Variants in ELAVL4 observed in about 807,000 individuals in gnomAD.
The protein encoded by ELAVL4 is ELAV-like protein 4.
A neutral mutation model predicts 35.6 loss-of-function variants in ELAVL4; 1 was observed. The observed-to-expected ratio is 0.03, with a 90% CI of 0.01 to 0.13. ELAVL4 has a LOEUF of 0.13. ELAVL4 is among the 10% of genes least tolerant of loss of function. The pLI is 1.00. For missense variants in ELAVL4, 267 were observed against 464.9 expected (o/e 0.57, Z 3.91); for synonymous variants, 156 against 171.0 (o/e 0.91, Z 0.69).
chr1:50,110,946 G>T (rs1291509113), intron 1 of ELAVL4, among the ~76,000 whole-genome samples: 1 of 151,836 alleles, frequency 6.6e-6, no homozygotes, highest in Non-Finnish European at 1.5e-5. Context: ...GCTATCATGA[G>T]AACACACTGC....
At chr1:50,056,656 G>A (rs753661747) in intron 1 of ELAVL4, among the ~76,000 whole-genome samples, 16 of 152,288 alleles carry the variant, frequency 1.1e-4, no homozygotes, top group Non-Finnish European at 1.5e-4. Flanking sequence ...ATGTACACCG[G>A]CCGGGTGAGG....
At chr1:50,098,909 T>G (rs532207617) in intron 1 of ELAVL4, among the ~76,000 whole-genome samples, 2 of 152,290 alleles carry the variant, frequency 1.3e-5, no homozygotes, top group African/African-American at 4.8e-5. Context: ...ATAATAAATG[T>G]AGAATGTCCC....
rs909277696 is a variant in ELAVL4 at position 50,203,645 on chromosome 1, G to A, written c.*2467G>A. On this transcript the variant is annotated 3_prime_UTR_variant, in exon 7 of 7. Coordinates refer to ENST00000371824, the MANE Select transcript of ELAVL4 (RefSeq NM_001144774.3). ...TTTAGTTATTAATGAATGACTTCAT[G>A]TTAATCTTGCTAGTTTAGATGATTT... is the stretch of plus-strand genomic sequence containing the variant. The A allele has an allele frequency of 6.6e-6, 1 of 152,020 alleles. No individual in the cohort carries two copies. The highest frequency in any genetic ancestry group is 1.5e-5 in the Non-Finnish European group (1 of 67,986). 9.4% of individuals were successfully genotyped at this position (152,020 alleles called of 1,614,324 possible).
At chr1:50,053,848 TA>T (rs1036162053) in intron 1 of ELAVL4, among the ~76,000 whole-genome samples, 1 of 152,098 alleles carries the variant, frequency 6.6e-6, no homozygotes, top group Middle Eastern at 3.2e-3. Context: ...TAGAGTAAGA[TA>T]AAGAGGGATA....
At chr1:50,187,819 G>A (rs1461734009) in intron 3 of ELAVL4, among the ~76,000 whole-genome samples, 2 of 152,162 alleles carry the variant, frequency 1.3e-5, no homozygotes, top group East Asian at 3.8e-4. Flanking sequence ...AATGAGGCTG[G>A]GCATGGTGGC....
intron 1 of ELAVL4, among the ~76,000 whole-genome samples, chr1:50,048,511 G>C (rs1306511946): frequency 6.6e-6 from 1 of 152,094 alleles, no homozygotes; most frequent in African/African-American, 2.4e-5. Context: ...AGCGACAGGC[G>C]ACCCCGCAGC....
intron 1 of ELAVL4, among the ~76,000 whole-genome samples, chr1:50,143,040 TA>T (rs1366867053): frequency 3.9e-5 from 6 of 152,036 alleles, no homozygotes; most frequent in Non-Finnish European, 7.4e-5. Flanking sequence ...GGTAAAAAAA[TA>T]GGTAAAACAA....
chr1:50,169,042 C>T (rs753316802), intron 2 of ELAVL4, among the ~76,000 whole-genome samples: 14 of 151,270 alleles, frequency 9.3e-5, no homozygotes, highest in Non-Finnish European at 1.5e-4. Context: ...ATCACAGGGT[C>T]CCACAACAGG....
intron 2 of ELAVL4, among the ~76,000 whole-genome samples, chr1:50,153,954 C>T (rs1396908317): frequency 6.6e-6 from 1 of 152,184 alleles, no homozygotes; most frequent in African/African-American, 2.4e-5. Context: ...ATGCTAGCAC[C>T]CTGATCTTGG....
chr1:50,098,457 A>G (rs1665809635), intron 1 of ELAVL4, among the ~76,000 whole-genome samples: 1 of 152,186 alleles, frequency 6.6e-6, no homozygotes, highest in Admixed American at 6.5e-5. Context: ...CATTGTGGTT[A>G]CCTCATAATA....
In ELAVL4 at chr1:50,177,148, A is replaced by G; in HGVS notation, c.310A>G (p.Ile104Val). 2 of 1,614,074 alleles carry G rather than the reference A, an allele frequency of 1.2e-6. No individual in the cohort carries two copies. Among genetic ancestry groups the G allele is most frequent in the Non-Finnish European group, 1.7e-6 (2 of 1,179,976 alleles). Reference sequence around the variant, plus strand: ...TGATCCAAAGGATGCAGAGAAAGCCATCAACACTTTAAATGGACTCAGACT... The same window carrying G: ...TGATCCAAAGGATGCAGAGAAAGCCGTCAACACTTTAAATGGACTCAGACT... Reference protein sequence around the residue: ...YIDPKDAEKAINTLNGLRLQT... With the variant: ...YIDPKDAEKAVNTLNGLRLQT... Residue 104 changes from isoleucine (I) to valine (V), a missense_variant, in exon 3 of 7, where the codon ATC becomes GTC. By Grantham distance (29) the Ile-to-Val change is conservative. Coordinates refer to ENST00000371824, the MANE Select transcript of ELAVL4 (RefSeq NM_001144774.3).
chr1:50,183,799 C>G (rs1432427297), intron 3 of ELAVL4, among the ~76,000 whole-genome samples: 2 of 152,160 alleles, frequency 1.3e-5, no homozygotes, highest in African/African-American at 2.4e-5. Context: ...AATTATTTCT[C>G]CTATCACTGC....
At position 50,153,594 on chromosome 1, in the gene ELAVL4, C is replaced by T. The variant is rs748119360; in HGVS notation, c.250+8397C>T. 7.2e-5 allele frequency among the ~76,000 whole-genome samples: 11 copies of T among 152,118 alleles called. No homozygotes were observed. The East Asian group carries it at 7.7e-4, about 11-fold the overall frequency. On this transcript the variant is annotated intron_variant, in intron 2 of 6. Transcript: ENST00000371824. Reference sequence around the variant, plus strand: ...TCTCAAAGCAAGTGTCAAAGAAAAGCGAGCCTTCAACTTGGCCCTGAATTT... The same window carrying T: ...TCTCAAAGCAAGTGTCAAAGAAAAGTGAGCCTTCAACTTGGCCCTGAATTT...
intron 1 of ELAVL4, among the ~76,000 whole-genome samples, chr1:50,081,121 C>T (rs1485913915): frequency 2.0e-5 from 3 of 152,120 alleles, no homozygotes; most frequent in Non-Finnish European, 2.9e-5. Context: ...GCCAAAATAG[C>T]CCAAAGATGG....
Position 50,121,533 on chromosome 1 carries a change from G to A in ELAVL4, c.9+12335G>A, listed in dbSNP as rs144981535. On this transcript the variant is annotated intron_variant, in intron 1 of 6. Coordinates refer to ENST00000371824, the MANE Select transcript of ELAVL4 (RefSeq NM_001144774.3). ...CCTATGTTATGAGTTGTGATATGAA[G>A]CTGTGGTGTTCCATATGGTGTTCAA... 4.6e-5 allele frequency among the ~76,000 whole-genome samples: 7 copies of A among 152,044 alleles called. No homozygotes were observed. The South Asian group carries it at 1.5e-3, about 32-fold the overall frequency.
chr1:50,066,189 T>C (rs1358678894), intron 1 of ELAVL4, among the ~76,000 whole-genome samples: 1 of 152,200 alleles, frequency 6.6e-6, no homozygotes, highest in Non-Finnish European at 1.5e-5. Context: ...AAACAAATCG[T>C]TGTATCATGT....
chr1:50,083,335 A>G (rs1234658227), intron 1 of ELAVL4, among the ~76,000 whole-genome samples: 1 of 152,052 alleles, frequency 6.6e-6, no homozygotes, highest in Non-Finnish European at 1.5e-5. Flanking sequence ...CCCAACTGCC[A>G]TTTCTTGAAC....
chr1:50,127,855 A>G (rs1344333813), intron 1 of ELAVL4, among the ~76,000 whole-genome samples: 1 of 152,200 alleles, frequency 6.6e-6, no homozygotes, highest in Non-Finnish European at 1.5e-5. Flanking sequence ...TTAGTATTTA[A>G]TAAATGTTTG....
chr1:50,199,926 C>T (rs1644300900), intron 6 of ELAVL4, among the ~76,000 whole-genome samples: 1 of 152,068 alleles, frequency 6.6e-6, no homozygotes, highest in Non-Finnish European at 1.5e-5. Flanking sequence ...TGCACAAAAA[C>T]TGAGAAGATT....
Sources: allele counts gnomAD v4.1 joint callset (sites outside exome capture counted in the v4.1 genomes callset), GRCh38; gene constraint gnomAD v4.1.1; transcripts MANE v1.5; gene names NCBI Gene and HGNC (gene_info 2026-07-23, HGNC 2026-07-21).